Variants in LRRTM4 observed in about 807,000 individuals in gnomAD.
LRRTM4 encodes the protein leucine-rich repeat transmembrane neuronal protein 4.
LRRTM4 carries 25 observed loss-of-function variants against 47.6 expected under a neutral mutation model. The ratio of observed to expected loss-of-function variants is 0.53; its 90% CI spans 0.38 to 0.73. The LOEUF is 0.73. LRRTM4 is among the 30% of genes least tolerant of loss of function. The pLI is 0.00. For synonymous variants in LRRTM4, 311 were observed against 269.5 expected (o/e 1.15, Z -1.51); for missense variants, 638 against 713.4 (o/e 0.89, Z 1.20).
chr2:77,355,913 C>A (rs2104304900), intron 3 of LRRTM4, among the ~76,000 whole-genome samples: 1 of 152,212 alleles, frequency 6.6e-6, no homozygotes, highest in African/African-American at 2.4e-5. Context: ...AGCAACATGA[C>A]AAAAGCCTAA....
chr2:77,219,934 A>T (rs1441310836), intron 3 of LRRTM4, among the ~76,000 whole-genome samples: 2 of 152,172 alleles, frequency 1.3e-5, no homozygotes, highest in African/African-American at 4.8e-5. Context: ...ACCCCCGAGT[A>T]GCCTAACTGG....
intron 3 of LRRTM4, among the ~76,000 whole-genome samples, chr2:76,959,008 T>G (rs1675767706): frequency 1.3e-5 from 2 of 151,626 alleles, no homozygotes; most frequent in South Asian, 4.2e-4. Flanking sequence ...CGGTCATTGT[T>G]TTTCGGAAAA....
chr2:77,198,493 C>T (rs571014465), intron 3 of LRRTM4, among the ~76,000 whole-genome samples: 6 of 152,112 alleles, frequency 3.9e-5, no homozygotes, highest in African/African-American at 1.4e-4. Flanking sequence ...GATTCTAACC[C>T]TTCCCTTATC....
At chr2:77,398,130 T>C (rs1257920277) in intron 3 of LRRTM4, among the ~76,000 whole-genome samples, 1 of 151,892 alleles carries the variant, frequency 6.6e-6, no homozygotes, top group African/African-American at 2.4e-5. Context: ...GTATAATTAT[T>C]CCAGTGCAAA....
intron 3 of LRRTM4, among the ~76,000 whole-genome samples, chr2:76,953,929 C>G (rs538977591): frequency 6.6e-6 from 1 of 151,956 alleles, no homozygotes; most frequent in Non-Finnish European, 1.5e-5. Context: ...ATACCACAGA[C>G]AGACACCAGA....
chr2:77,463,981 C>G (rs999216378), intron 3 of LRRTM4, among the ~76,000 whole-genome samples: 1 of 152,026 alleles, frequency 6.6e-6, no homozygotes, highest in African/African-American at 2.4e-5. Flanking sequence ...CAAAGTTATA[C>G]AATAAATACT....
At chr2:77,417,361 A>G (rs1056393882) in intron 3 of LRRTM4, among the ~76,000 whole-genome samples, 2 of 152,124 alleles carry the variant, frequency 1.3e-5, no homozygotes, top group African/African-American at 4.8e-5. Context: ...AGAACTAGAA[A>G]TACCATTTGA....
At chr2:76,906,053 C>A (rs2103762104) in intron 3 of LRRTM4, among the ~76,000 whole-genome samples, 1 of 152,160 alleles carries the variant, frequency 6.6e-6, no homozygotes, top group Admixed American at 6.6e-5. Context: ...GTCAGATTCA[C>A]TAAAGTTGAA....
At chr2:77,090,097 C>T (rs13394186) in intron 3 of LRRTM4, among the ~76,000 whole-genome samples, 3 of 151,750 alleles carry the variant, frequency 2.0e-5, no homozygotes, top group Admixed American at 6.6e-5. Flanking sequence ...ATTCTTCCTC[C>T]GCCTCTGCTC....
At chr2:76,924,351 T>A (rs1158729601) in intron 3 of LRRTM4, among the ~76,000 whole-genome samples, 4 of 152,128 alleles carry the variant, frequency 2.6e-5, no homozygotes, top group Non-Finnish European at 5.9e-5. Flanking sequence ...TGTGATTATG[T>A]AGATAAACCA....
intron 3 of LRRTM4, among the ~76,000 whole-genome samples, chr2:76,993,835 G>C (rs1584236): frequency 0.57 from 86,199 of 151,836 alleles, 26,564 homozygotes; most frequent in African/African-American, 0.8. Flanking sequence ...TTCACAATAG[G>C]AAAGATATGA....
intron 3 of LRRTM4, among the ~76,000 whole-genome samples, chr2:76,755,641 G>C (rs1673002703): frequency 6.6e-6 from 1 of 152,072 alleles, no homozygotes; most frequent in African/African-American, 2.4e-5. Context: ...ATCCAGGGCT[G>C]GTAAAGAAGG....
At chr2:77,069,167 T>C (rs981851831) in intron 3 of LRRTM4, among the ~76,000 whole-genome samples, 1 of 152,298 alleles carries the variant, frequency 6.6e-6, no homozygotes, top group East Asian at 1.9e-4. Flanking sequence ...TTTACCCCTC[T>C]ATATTTCTGT....
chr2:77,053,125 GT>G (rs1679494751), intron 3 of LRRTM4, among the ~76,000 whole-genome samples: 1 of 152,134 alleles, frequency 6.6e-6, no homozygotes, highest in Non-Finnish European at 1.5e-5. Context: ...TAAAGAAACC[GT>G]AACTAGTAGA....
In LRRTM4 at chr2:76,765,009, A is replaced by G. The variant is rs1673401584; in HGVS notation, c.1552-16093T>C. Reference sequence around the variant, plus strand: ...CTAAAGTCATGGATGTGGAGTCACCACCCAAGTTGGTCCAGAAAATGGACC... The same window carrying G: ...CTAAAGTCATGGATGTGGAGTCACCGCCCAAGTTGGTCCAGAAAATGGACC... On this transcript the variant is annotated intron_variant, in intron 3 of 3. Coordinates refer to ENST00000409884, the MANE Select transcript of LRRTM4 (RefSeq NM_001134745.3). Among the ~76,000 whole-genome samples the G allele has an allele frequency of 2.0e-5, 3 of 152,146 alleles. No homozygotes were observed. The South Asian group carries it at 6.2e-4, about 32-fold the overall frequency.
At chr2:77,333,037 G>A (rs1393435579) in intron 3 of LRRTM4, among the ~76,000 whole-genome samples, 1 of 152,144 alleles carries the variant, frequency 6.6e-6, no homozygotes, top group African/African-American at 2.4e-5. Context: ...TTTAAAAATG[G>A]CAGTTTTTGT....
intron 3 of LRRTM4, among the ~76,000 whole-genome samples, chr2:76,931,239 A>G (rs551270772): frequency 6.6e-6 from 1 of 152,346 alleles, no homozygotes; most frequent in African/African-American, 2.4e-5. Context: ...CAAGAAAGTC[A>G]TTAAACAGAA....
intron 3 of LRRTM4, among the ~76,000 whole-genome samples, chr2:76,781,295 C>T (rs1239008525): frequency 1.4e-5 from 2 of 142,414 alleles, no homozygotes; most frequent in African/African-American, 5.4e-5. Context: ...TTCGAGCTTC[C>T]TGGCTGCTTT....
intron 3 of LRRTM4, among the ~76,000 whole-genome samples, chr2:77,207,866 C>CTTTT (rs754540782): frequency 0.31 from 13,406 of 42,592 alleles, 4,529 homozygotes; most frequent in Non-Finnish European, 0.42. Context: ...GGGAAAGTGG[C>CTTTT]TTTTTTTTTT....
Sources: allele counts gnomAD v4.1 joint callset (sites outside exome capture counted in the v4.1 genomes callset), GRCh38; gene constraint gnomAD v4.1.1; transcripts MANE v1.5; gene names NCBI Gene and HGNC (gene_info 2026-07-23, HGNC 2026-07-21).